Variants in ZNF541 observed in about 807,000 individuals in gnomAD.
ZNF541 encodes the protein zinc finger protein 541.
Under a neutral mutation model 123.5 loss-of-function variants are expected in ZNF541, and 23 were observed. That is an observed-to-expected ratio of 0.19 (90% confidence interval 0.13 to 0.26). The LOEUF (loss-of-function observed/expected upper bound fraction) is 0.26, where lower values mean the gene tolerates loss of function less well. ZNF541 is among the 10% of genes least tolerant of loss of function. The probability of loss-of-function intolerance (pLI) is 1.00; values close to 1 mark genes in which losing one functional copy is unlikely to be tolerated. For missense variants in ZNF541, 1,612 were observed against 1,789.9 expected, an observed-to-expected ratio of 0.90 and a Z score of 1.79; for synonymous variants, 751 against 754.5, an observed-to-expected ratio of 1.00 and a Z score of 0.08.
At chr19:47,542,837 T>C (rs1024940174) in intron 5 of ZNF541, among the ~76,000 whole-genome samples, 3 of 151,958 alleles carry the variant, frequency 2.0e-5, no homozygotes, top group African/African-American at 7.3e-5. Context: ...TCCCAGCTAC[T>C]CGGAGGCTGA....
intron 10 of ZNF541, among the ~76,000 whole-genome samples, chr19:47,532,614 C>G (rs1217951187): frequency 6.6e-6 from 1 of 152,224 alleles, no homozygotes; most frequent in East Asian, 1.9e-4. Context: ...CCACTCTGTG[C>G]CATCACCAAT....
At chr19:47,564,282 A>C (rs145134741) in intron 2 of ZNF541, among the ~76,000 whole-genome samples, 11 of 152,348 alleles carry the variant, frequency 7.2e-5, no homozygotes, top group African/African-American at 2.4e-4. Flanking sequence ...GTCAGGTTAC[A>C]ACCTCAGACA....
chr19:47,530,334 A>G (rs2122947805), intron 12 of ZNF541, among the ~76,000 whole-genome samples: 1 of 119,574 alleles, frequency 8.4e-6, no homozygotes, highest in East Asian at 2.2e-4. Context: ...ACTCCCTGCT[A>G]ATTTTTTTTT....
chr19:47,571,094 T>A (rs1197426156), intron 2 of ZNF541, among the ~76,000 whole-genome samples: 1 of 151,654 alleles, frequency 6.6e-6, no homozygotes, highest in Non-Finnish European at 1.5e-5. Context: ...CCGGCAGGCA[T>A]ATTTTATAAG....
chr19:47,554,242 G>A (rs1218597352), intron 3 of ZNF541, among the ~76,000 whole-genome samples: 1 of 152,062 alleles, frequency 6.6e-6, no homozygotes, highest in Non-Finnish European at 1.5e-5. Flanking sequence ...ACCAGACTGG[G>A]AAACATAGTG....
At chr19:47,567,066 A>C (rs1028733611) in intron 2 of ZNF541, among the ~76,000 whole-genome samples, 5 of 151,738 alleles carry the variant, frequency 3.3e-5, no homozygotes, top group African/African-American at 9.7e-5. Context: ...TAAATAAATA[A>C]ATAAATAAAA....
chr19:47,538,353 A>G lies in ZNF541; in HGVS notation c.2883T>C (p.Ala961=). The change falls in exon 9 of 17, where the codon GCT becomes GCC. Residue 961 remains alanine, a synonymous_variant. Transcript: ENST00000391901. ...GGCATCCTGCAGGGCCAGGCTCCCCAGCCGTGGAGGGTGGGGGCCGCTTCT... is the reference window on the plus strand; with the variant it reads ...GGCATCCTGCAGGGCCAGGCTCCCCGGCCGTGGAGGGTGGGGGCCGCTTCT... The part of the protein sequence containing the change: ...KRKKRPPPST[A]GEPGPAGCHQ... 1 of 1,543,434 alleles carries G rather than the reference A, an allele frequency of 6.5e-7. No homozygotes were observed. Among genetic ancestry groups the G allele is most frequent in the Non-Finnish European group, 8.8e-7 (1 of 1,142,252 alleles).
In ZNF541 at chr19:47,540,911, T is replaced by A. The variant is rs1445310069; in HGVS notation, c.2444A>T (p.Glu815Val). The change falls in exon 6 of 17, where the codon GAG becomes GTG. Residue 815 changes from glutamate to valine, a missense_variant. Physicochemically the swap from Glu to Val is moderately radical, Grantham distance 121 (BLOSUM62 -2). Coordinates refer to ENST00000391901, the MANE Select transcript of ZNF541 (RefSeq NM_001277075.3). ...IYRLPHPVKEENVAGRGNQQN... is the reference protein window; with the variant it reads ...IYRLPHPVKEVNVAGRGNQQN... ...AACTTACCCTCTGCCTGCCACATTC[T>A]CTTCCTTCACCGGATGGGGGAGCCT... is the stretch of plus-strand genomic sequence containing the variant. 1 of 1,551,120 alleles carries A rather than the reference T, an allele frequency of 6.4e-7. No homozygotes were observed. The highest frequency in any genetic ancestry group is 1.4e-5 in the African/African-American group (1 of 73,024).
chr19:47,523,419 A>C (rs1038130589), intron 14 of ZNF541, among the ~76,000 whole-genome samples: 1 of 151,138 alleles, frequency 6.6e-6, no homozygotes, highest in African/African-American at 2.4e-5. Context: ...TCGGCTATTG[A>C]GCGAACTCCA....
At chr19:47,565,997 C>T (rs772444830) in intron 2 of ZNF541, among the ~76,000 whole-genome samples, 19 of 151,672 alleles carry the variant, frequency 1.3e-4, no homozygotes, top group Non-Finnish European at 1.8e-4. Flanking sequence ...GCCAACATGG[C>T]GAAACCCCGT....
chr19:47,569,081 C>T (rs570539303), intron 2 of ZNF541, among the ~76,000 whole-genome samples: 1 of 152,038 alleles, frequency 6.6e-6, no homozygotes, highest in African/African-American at 2.4e-5. Context: ...ATTTCACCTT[C>T]CTATATGGAT....
chr19:47,544,183 CGAT>C lies in ZNF541; in HGVS notation c.2343_2345del (p.Ser782del). The stretch of plus-strand genomic sequence containing the variant: ...TGGAGGGATCTGCCGGGGGCCCGGC[CGAT>C]GAGAAGGAGGCCATGGCTACCTGGC... On this transcript the variant is annotated inframe_deletion, in exon 5 of 17. Transcript: ENST00000391901. The C allele has an allele frequency of 6.4e-7, 1 of 1,551,686 alleles. No homozygotes were observed. Among genetic ancestry groups the C allele is most frequent in the Non-Finnish European group, 8.7e-7 (1 of 1,146,980 alleles).
chr19:47,560,818 A>G (rs1398694025), intron 2 of ZNF541, among the ~76,000 whole-genome samples: 2 of 152,168 alleles, frequency 1.3e-5, no homozygotes, highest in East Asian at 3.8e-4. Flanking sequence ...CAATCAAGAC[A>G]TCCCTCAATA....
intron 13 of ZNF541, 55 bp downstream of exon 13, chr19:47,529,522 C>T (rs991976453): frequency 7.1e-5 from 108 of 1,528,380 alleles, no homozygotes; most frequent in Admixed American, 2.0e-4. Flanking sequence ...CAGAGCTGGC[C>T]GATTCATAGG....
Position 47,545,667 on chromosome 19 carries a change from G to C in ZNF541, c.862C>G (p.Pro288Ala). The C allele has an allele frequency of 1.3e-6, 2 of 1,549,362 alleles. No individual in the cohort carries two copies. Among genetic ancestry groups the C allele is most frequent in the Non-Finnish European group, 1.7e-6 (2 of 1,146,788 alleles). Residue 288 changes from proline (P) to alanine (A), a missense_variant, in exon 5 of 17, where the codon CCT becomes GCT. Physicochemically the swap from Pro to Ala is conservative, Grantham distance 27 (BLOSUM62 -1). Around this residue, in one of 5 missense-constraint regions of ZNF541, gnomAD observed 1,080 missense variants for 1,013.8 expected, o/e 1.07. Coordinates refer to ENST00000391901, the MANE Select transcript of ZNF541 (RefSeq NM_001277075.3). The surrounding 1 kb of genome is among the most constrained non-coding windows in gnomAD (Gnocchi z 7.5). ...IVSSIVHQKT[P>A]SPGPAPAGAS... Reference sequence around the variant, plus strand: ...CCCGCCGGGGCTGGGCCAGGAGAAGGGGTCTTCTGGTGGACGATGCTACTC... The same window carrying C: ...CCCGCCGGGGCTGGGCCAGGAGAAGCGGTCTTCTGGTGGACGATGCTACTC...
At chr19:47,558,846 G>C (rs1038177606) in intron 2 of ZNF541, among the ~76,000 whole-genome samples, 1 of 151,152 alleles carries the variant, frequency 6.6e-6, no homozygotes, top group African/African-American at 2.4e-5. Context: ...CCAGGTTCAC[G>C]CCATTCTCCT....
intron 14 of ZNF541, among the ~76,000 whole-genome samples, chr19:47,525,210 G>A (rs1353729297): frequency 1.3e-5 from 2 of 151,832 alleles, no homozygotes; most frequent in African/African-American, 2.4e-5. Context: ...GCTTGAACCC[G>A]GGAGGTGGAC....
At position 47,545,452 on chromosome 19, in the gene ZNF541, C is replaced by G. The variant is rs1048079899; in HGVS notation, c.1077G>C (p.Glu359Asp). ...GCTCTGGCGGGTCGGGGGCGCCGTT[C>G]TCGGCGGCCCTGGAATTAGGGGCTG... is the stretch of plus-strand genomic sequence containing the variant. ...VFTAPNSRAA[E>D]NGAPDPPEPE... The change falls in exon 5 of 17, where the codon GAG (glutamate) becomes GAC (aspartate). Residue 359 changes from glutamate (E) to aspartate (D), a missense_variant. Physicochemically the swap from Glu to Asp is conservative, Grantham distance 45 (BLOSUM62 2). Around this residue, in one of 5 missense-constraint regions of ZNF541, gnomAD observed 1,080 missense variants for 1,013.8 expected, o/e 1.07. Transcript: ENST00000391901. This position sits in a 1 kb window ranked among gnomAD's most constrained non-coding sequence, Gnocchi z 7.5. 39 of 1,474,960 alleles carry G rather than the reference C, an allele frequency of 2.6e-5. No homozygotes were observed. The highest frequency in any genetic ancestry group is 5.2e-5 in the Admixed American group (2 of 38,646). 91.4% of individuals were successfully genotyped at this position (1,474,960 alleles called of 1,614,324 possible). A position where few individuals can be genotyped will look rare whatever the true frequency, so the allele number is the denominator to read the frequency against.
At chr19:47,526,933 C>A (rs1969326655) in intron 14 of ZNF541, among the ~76,000 whole-genome samples, 1 of 152,134 alleles carries the variant, frequency 6.6e-6, no homozygotes, top group Admixed American at 6.5e-5. Context: ...ACTCAAATGT[C>A]CACCAACAGG....
Sources: gnomAD v4.1 joint callset for allele counts (sites outside exome capture counted in the v4.1 genomes callset) on GRCh38, gnomAD v4.1.1 for gene constraint, gnomAD v4.1.1 regional missense constraint, Gnocchi (gnomAD v3.1) non-coding constraint, MANE v1.5 for transcripts, NCBI Gene and HGNC (gene_info 2026-07-23, HGNC 2026-07-21) for gene names.